CNTN4: variants seen among roughly 807,000 people sequenced by gnomAD.
The protein encoded by CNTN4 is contactin 4.
A neutral mutation model predicts 122.5 loss-of-function variants in CNTN4; 77 were observed. That is an observed-to-expected ratio of 0.63 (90% CI 0.52 to 0.76). The LOEUF (loss-of-function observed/expected upper bound fraction) is 0.76. CNTN4 is among the 30% of genes least tolerant of loss of function. The pLI is 0.00. For missense variants in CNTN4, 1,256 were observed against 1,259.1 expected (o/e 1.00, Z 0.04); for synonymous variants, 512 against 447.0 (o/e 1.15, Z -1.83).
rs559459963 is a variant in CNTN4, at chr3:2,966,894, A to G, written c.1359-21451A>G. On this transcript the variant is annotated intron_variant, in intron 13 of 24. Transcript: ENST00000418658. ...GCTAAAATGTCTGAGCTTTGACTAT[A>G]TTGACTGGTGGACTTTTAAAGCCAG... 5.3e-5 allele frequency among the ~76,000 whole-genome samples: 8 copies of G among 152,312 alleles called. No homozygotes were observed. The East Asian group carries it at 1.5e-3, about 29-fold the overall frequency.
At chr3:2,413,911 T>C (rs1462026075) in intron 3 of CNTN4, among the ~76,000 whole-genome samples, 1 of 152,202 alleles carries the variant, frequency 6.6e-6, no homozygotes, top group Non-Finnish European at 1.5e-5. Flanking sequence ...AAGTGTGGAT[T>C]CTTTCAGTTA....
At chr3:2,460,941 A>C (rs2049183738) in intron 3 of CNTN4, among the ~76,000 whole-genome samples, 1 of 152,144 alleles carries the variant, frequency 6.6e-6, no homozygotes, top group African/African-American at 2.4e-5. Flanking sequence ...AGCTAAGCTG[A>C]GAATTCTGCT....
chr3:2,226,815 CT>C (rs931624626), intron 2 of CNTN4, among the ~76,000 whole-genome samples: 1 of 151,910 alleles, frequency 6.6e-6, no homozygotes, highest in African/African-American at 2.4e-5. Flanking sequence ...GAATTTTAGC[CT>C]TTTTTTAACA....
intron 8 of CNTN4, 62 bp downstream of exon 8, chr3:2,867,011 T>C (rs2150834689): frequency 4.3e-6 from 6 of 1,380,876 alleles, no homozygotes; most frequent in Non-Finnish European, 6.2e-6. Context: ...TGTGGAGGTA[T>C]GTTATGTTGT....
At chr3:2,906,844 C>CA (rs11287897) in intron 12 of CNTN4, among the ~76,000 whole-genome samples, 150 of 122,350 alleles carry the variant, frequency 1.2e-3, no homozygotes, top group Admixed American at 1.9e-3. Flanking sequence ...AACTCCTTCT[C>CA]AAAAAAAAAA....
At chr3:2,171,896 C>A (rs73098007) in intron 2 of CNTN4, among the ~76,000 whole-genome samples, 1 of 152,070 alleles carries the variant, frequency 6.6e-6, no homozygotes, top group Non-Finnish European at 1.5e-5. Flanking sequence ...TCATCTATAC[C>A]ATTGGTCCTT....
At chr3:2,974,405 C>G (rs892968020) in intron 13 of CNTN4, among the ~76,000 whole-genome samples, 2 of 152,180 alleles carry the variant, frequency 1.3e-5, no homozygotes, top group African/African-American at 2.4e-5. Context: ...GTTTACCATG[C>G]ACCATCACAG....
intron 3 of CNTN4, among the ~76,000 whole-genome samples, chr3:2,347,454 G>C (rs2150409852): frequency 8.0e-6 from 1 of 124,386 alleles, no homozygotes; most frequent in South Asian, 2.6e-4. Flanking sequence ...CTGTCGCCCA[G>C]TCTGGAGTGC....
chr3:2,371,759 A>G (rs1333327385), intron 3 of CNTN4, among the ~76,000 whole-genome samples: 1 of 152,220 alleles, frequency 6.6e-6, no homozygotes. Flanking sequence ...TAATTTTAAT[A>G]TTTACCTGTC....
chr3:2,135,984 A>G (rs2034674185), intron 2 of CNTN4, among the ~76,000 whole-genome samples: 1 of 152,084 alleles, frequency 6.6e-6, no homozygotes, highest in South Asian at 2.1e-4. Context: ...TGTTTGGTTC[A>G]TCCTGGTTGT....
At chr3:2,807,004 A>G (rs2138527) in intron 6 of CNTN4, among the ~76,000 whole-genome samples, 111,298 of 152,102 alleles carry the variant, frequency 0.73, 41,136 homozygotes, top group East Asian at 0.94. Context: ...TGTTTATTTT[A>G]TTTGTCATCT....
intron 2 of CNTN4, among the ~76,000 whole-genome samples, chr3:2,267,974 G>A (rs1420889671): frequency 6.6e-6 from 1 of 152,056 alleles, no homozygotes; most frequent in Non-Finnish European, 1.5e-5. Flanking sequence ...TCATATTCTG[G>A]ATATATGGCA....
intron 14 of CNTN4, among the ~76,000 whole-genome samples, chr3:3,012,085 G>C (rs1291875883): frequency 6.6e-6 from 1 of 152,148 alleles, no homozygotes; most frequent in Non-Finnish European, 1.5e-5. Flanking sequence ...TTTGCATCCA[G>C]ATTTTTCTGA....
At chr3:2,613,343 T>A (rs1218914207) in intron 4 of CNTN4, among the ~76,000 whole-genome samples, 1 of 152,122 alleles carries the variant, frequency 6.6e-6, no homozygotes, top group Admixed American at 6.6e-5. Context: ...GATATCATGA[T>A]CATTTACTTA....
chr3:2,318,767 G>T (rs1479010595), intron 2 of CNTN4, among the ~76,000 whole-genome samples: 1 of 152,088 alleles, frequency 6.6e-6, no homozygotes, highest in Admixed American at 6.5e-5. Context: ...CTCCTCCCAA[G>T]TATCTGGGAC....
At chr3:2,297,063 C>G (rs1023415528) in intron 2 of CNTN4, among the ~76,000 whole-genome samples, 9 of 152,152 alleles carry the variant, frequency 5.9e-5, no homozygotes, top group African/African-American at 1.9e-4. Context: ...CTGGGGTATT[C>G]TGACTACCTA....
chr3:2,333,921 A>G (rs1015681206), intron 2 of CNTN4, among the ~76,000 whole-genome samples: 1 of 152,160 alleles, frequency 6.6e-6, no homozygotes, highest in African/African-American at 2.4e-5. Flanking sequence ...GGAAGTAGAT[A>G]CCCATGAGAA....
chr3:2,682,013 G>C (rs2085190650), intron 4 of CNTN4, among the ~76,000 whole-genome samples: 1 of 152,054 alleles, frequency 6.6e-6, no homozygotes, highest in South Asian at 2.1e-4. Context: ...ATATTTTTTG[G>C]ATATTCACTT....
chr3:2,411,396 A>T (rs981548943), intron 3 of CNTN4, among the ~76,000 whole-genome samples: 4 of 152,200 alleles, frequency 2.6e-5, no homozygotes, highest in African/African-American at 9.7e-5. Context: ...AGAAATATTG[A>T]GATGTTTATT....
Sources: allele counts gnomAD v4.1 joint callset (sites outside exome capture counted in the v4.1 genomes callset), GRCh38; gene constraint gnomAD v4.1.1; transcripts MANE v1.5; gene names NCBI Gene and HGNC (gene_info 2026-07-23, HGNC 2026-07-21).